Variants in CAMKMT observed in about 807,000 individuals in gnomAD.
CAMKMT encodes the protein CaM KMT.
In CAMKMT, 53 loss-of-function variants were observed where a neutral mutation model predicts 48.0. That is an observed-to-expected ratio of 1.10 (90% confidence interval 0.89 to 1.39). The LOEUF (loss-of-function observed/expected upper bound fraction) is 1.39, where lower values mean the gene tolerates loss of function less well. Among genes scored for constraint, CAMKMT ranks in the 40% most tolerant of loss-of-function variants. CAMKMT has a pLI of 0.00. For synonymous variants in CAMKMT, 165 were observed against 152.3 expected (o/e 1.08, Z -0.61); for missense variants, 428 against 402.7 (o/e 1.06, Z -0.54).
chr2:44,760,814 A>T (rs1680587370), intron 9 of CAMKMT, among the ~76,000 whole-genome samples: 3 of 152,150 alleles, frequency 2.0e-5, no homozygotes, highest in African/African-American at 7.2e-5. Context: ...AGCTCCTCAG[A>T]GGTCCAGTGT....
intron 3 of CAMKMT, among the ~76,000 whole-genome samples, chr2:44,627,138 C>T (rs1425011679): frequency 1.3e-5 from 2 of 152,064 alleles, no homozygotes; most frequent in Admixed American, 6.5e-5. Context: ...TATAGCTTTT[C>T]TCCTTTACTT....
At chr2:44,432,308 CTGACTCTCCTG>C (rs575610484) in intron 3 of CAMKMT, among the ~76,000 whole-genome samples, 8 of 152,276 alleles carry the variant, frequency 5.3e-5, no homozygotes, top group Non-Finnish European at 1.0e-4. Context: ...TGCCCATCCC[CTGACTCTCCTG>C]TGACTCTCCT....
chr2:44,601,715 T>C (rs968985327), intron 3 of CAMKMT, among the ~76,000 whole-genome samples: 2 of 151,944 alleles, frequency 1.3e-5, no homozygotes, highest in African/African-American at 4.8e-5. Context: ...CTCTAAGACA[T>C]TGAATACCTT....
At chr2:44,677,145 T>A (rs1675744642) in intron 3 of CAMKMT, among the ~76,000 whole-genome samples, 1 of 152,216 alleles carries the variant, frequency 6.6e-6, no homozygotes, top group Non-Finnish European at 1.5e-5. Flanking sequence ...ACAAAATTTA[T>A]TGAGCCCAAC....
At chr2:44,370,165 C>T (rs971607147) in intron 1 of CAMKMT, among the ~76,000 whole-genome samples, 2 of 152,052 alleles carry the variant, frequency 1.3e-5, no homozygotes, top group African/African-American at 4.8e-5. Flanking sequence ...GCTTAACTGC[C>T]CTGTGTTCTA....
intron 3 of CAMKMT, among the ~76,000 whole-genome samples, chr2:44,479,078 C>G (rs1668838825): frequency 6.6e-6 from 1 of 152,098 alleles, no homozygotes; most frequent in African/African-American, 2.4e-5. Flanking sequence ...TTTACTAATC[C>G]TCAACAGTAA....
intron 3 of CAMKMT, among the ~76,000 whole-genome samples, chr2:44,574,006 G>C (rs545217917): frequency 1.3e-5 from 2 of 152,274 alleles, no homozygotes; most frequent in East Asian, 3.9e-4. Flanking sequence ...TTTTTCTTGA[G>C]TGTTTTTATT....
intron 7 of CAMKMT, among the ~76,000 whole-genome samples, chr2:44,739,051 T>C (rs1485037862): frequency 6.6e-6 from 1 of 152,140 alleles, no homozygotes; most frequent in Non-Finnish European, 1.5e-5. Flanking sequence ...TAATAGTAGA[T>C]GAGGACAGAG....
At chr2:44,424,157 G>A (rs1684113095) in intron 3 of CAMKMT, among the ~76,000 whole-genome samples, 1 of 151,370 alleles carries the variant, frequency 6.6e-6, no homozygotes, top group Non-Finnish European at 1.5e-5. Context: ...CCTTTCTTAT[G>A]CCACTTCTAT....
chr2:44,504,836 C>G (rs1490630857), intron 3 of CAMKMT, among the ~76,000 whole-genome samples: 1 of 152,166 alleles, frequency 6.6e-6, no homozygotes, highest in African/African-American at 2.4e-5. Context: ...GAAGGAATAT[C>G]TGAAGCTGGG....
At chr2:44,566,563 G>C (rs1170058055) in intron 3 of CAMKMT, among the ~76,000 whole-genome samples, 1 of 152,108 alleles carries the variant, frequency 6.6e-6, no homozygotes, top group Non-Finnish European at 1.5e-5. Context: ...TAAGGCCACC[G>C]TGGGGGCTTC....
intron 8 of CAMKMT, among the ~76,000 whole-genome samples, chr2:44,744,944 A>G (rs1014689396): frequency 1.6e-4 from 24 of 152,182 alleles, no homozygotes; most frequent in Admixed American, 9.2e-4. Flanking sequence ...TGACTAATCA[A>G]TGATAATGTG....
Position 44,629,138 on chromosome 2 carries a change from C to T in CAMKMT, c.377-75145C>T, listed in dbSNP as rs577587559. On this transcript the variant is annotated intron_variant, in intron 3 of 10. Transcript: ENST00000378494. The stretch of plus-strand genomic sequence containing the variant: ...AGTGAAATCTCCTATATAATATATA[C>T]GTATGTGTCTATATTTCTGTTTATT... Among the ~76,000 whole-genome samples, 32 of 152,220 alleles carry T rather than the reference C, an allele frequency of 2.1e-4. No individual in the cohort carries two copies. The Middle Eastern group carries it at 0.01, about 49-fold the overall frequency.
At chr2:44,719,030 G>T (rs546542061) in intron 7 of CAMKMT, among the ~76,000 whole-genome samples, 3 of 152,102 alleles carry the variant, frequency 2.0e-5, no homozygotes, top group Non-Finnish European at 4.4e-5. Flanking sequence ...TGAAAGGTAC[G>T]TTCCAACCAA....
chr2:44,678,681 G>A (rs1017192925), intron 3 of CAMKMT, among the ~76,000 whole-genome samples: 1 of 152,134 alleles, frequency 6.6e-6, no homozygotes, highest in Admixed American at 6.6e-5. Context: ...TATGTTTTGT[G>A]CTTGTATTTT....
chr2:44,528,037 A>G (rs1252440453), intron 3 of CAMKMT, among the ~76,000 whole-genome samples: 1 of 152,186 alleles, frequency 6.6e-6, no homozygotes. Flanking sequence ...TAAAAACTAC[A>G]GAATTACAGA....
chr2:44,735,757 AC>A (rs1296212251), intron 7 of CAMKMT, among the ~76,000 whole-genome samples: 1 of 151,898 alleles, frequency 6.6e-6, no homozygotes, highest in Non-Finnish European at 1.5e-5. Context: ...AAAAACAAAA[AC>A]AAAAATTAGC....
chr2:44,466,256 C>T (rs1476178732), intron 3 of CAMKMT, among the ~76,000 whole-genome samples: 1 of 152,122 alleles, frequency 6.6e-6, no homozygotes, highest in African/African-American at 2.4e-5. Flanking sequence ...GAACGTTTTC[C>T]AGTATAAATC....
intron 3 of CAMKMT, among the ~76,000 whole-genome samples, chr2:44,493,183 C>T (rs970260431): frequency 6.6e-6 from 1 of 152,100 alleles, no homozygotes; most frequent in South Asian, 2.1e-4. Flanking sequence ...GCATGAGCCA[C>T]TGCACCTGGC....
Sources: allele counts gnomAD v4.1 joint callset (sites outside exome capture counted in the v4.1 genomes callset), GRCh38; gene constraint gnomAD v4.1.1; transcripts MANE v1.5; gene names NCBI Gene and HGNC (gene_info 2026-07-23, HGNC 2026-07-21).